The following SLC6A4 variants were observed in gnomAD, a reference collection of about 807,000 sequenced individuals.
SLC6A4 encodes the protein sodium-dependent serotonin transporter.
SLC6A4 carries 22 observed loss-of-function variants against 73.4 expected under a neutral mutation model. The ratio of observed to expected loss-of-function variants is 0.30; its 90% confidence interval spans 0.21 to 0.43. The LOEUF (loss-of-function observed/expected upper bound fraction) is 0.43. Ranked by LOEUF, SLC6A4 falls within the 20% of genes least tolerant of loss-of-function variation. The probability of loss-of-function intolerance (pLI) is 1.00; values close to 1 mark genes in which losing one functional copy is unlikely to be tolerated. For missense variants in SLC6A4, 593 were observed against 808.5 expected (o/e 0.73, Z 3.23); for synonymous variants, 270 against 315.5 (o/e 0.86, Z 1.53).
At chr17:30,223,853 C>G (rs56336569) in intron 1 of SLC6A4, among the ~76,000 whole-genome samples, 10 of 152,190 alleles carry the variant, frequency 6.6e-5, no homozygotes, top group East Asian at 1.9e-4. Context: ...TGGCCTCCCC[C>G]CACTTCCCCC....
rs1047653600 is a variant in SLC6A4 at position 30,230,388 on chromosome 17, C to T, written c.-221+5225G>A. 7.2e-5 allele frequency among the ~76,000 whole-genome samples: 11 copies of T among 152,144 alleles called. No homozygotes were observed. In the South Asian group the frequency reaches 1.0e-3, roughly 14 times the overall value. The stretch of plus-strand genomic sequence containing the variant: ...CACTCCTTTACTGTTGTGATAAATA[C>T]AATTTATGCAATAAGTAAAAATCGA... On this transcript the variant is annotated intron_variant, in intron 1 of 14. Transcript: ENST00000650711.
At chr17:30,222,963 GC>G in intron 1 of SLC6A4, 48 bp from the exon 2 acceptor site, 1 of 596,438 alleles carries the variant, frequency 1.7e-6, no homozygotes, top group Non-Finnish European at 2.8e-6. Context: ...GGTTGGTGTC[GC>G]CGTCCCCCTG....
intron 1 of SLC6A4, among the ~76,000 whole-genome samples, chr17:30,227,854 T>C (rs1403012923): frequency 6.6e-6 from 1 of 152,182 alleles, no homozygotes; most frequent in Non-Finnish European, 1.5e-5. Flanking sequence ...CCAGTTATCA[T>C]GAGAAAGAAA....
At chr17:30,223,512 TG>T (rs1191287429) in intron 1 of SLC6A4, among the ~76,000 whole-genome samples, 2 of 152,330 alleles carry the variant, frequency 1.3e-5, no homozygotes, top group East Asian at 3.9e-4. Flanking sequence ...GCTATAAACA[TG>T]AGCAAGGATT....
chr17:30,216,449 T>G (rs1358120927), intron 6 of SLC6A4, among the ~76,000 whole-genome samples: 2 of 152,242 alleles, frequency 1.3e-5, no homozygotes, highest in East Asian at 3.9e-4. Flanking sequence ...GAACTACCTC[T>G]GAGCCCACTA....
Position 30,198,680 on chromosome 17 carries a change from A to G in SLC6A4, c.1819-150T>C, listed in dbSNP as rs1366353736. 1.1e-5 allele frequency: 6 copies of G among 544,952 alleles called. No homozygotes were observed. In the African/African-American group the frequency reaches 1.2e-4, roughly 11 times the overall value. 33.8% of individuals were successfully genotyped at this position (544,952 alleles called of 1,614,324 possible). On this transcript the variant is annotated intron_variant, in intron 14 of 14. Coordinates refer to ENST00000650711, the MANE Select transcript of SLC6A4 (RefSeq NM_001045.6). ...ATAGTCTCACTGACATTCCTTAGGAAAAGAATTCCCAATTTATGTATTCTC... is the reference window on the plus strand; with the variant it reads ...ATAGTCTCACTGACATTCCTTAGGAGAAGAATTCCCAATTTATGTATTCTC...
intron 5 of SLC6A4, 150 bp from the exon 6 acceptor site, chr17:30,217,454 G>T: frequency 1.4e-6 from 1 of 724,130 alleles, no homozygotes; most frequent in African/African-American, 1.8e-5. Flanking sequence ...AGCTGGGATT[G>T]GCCCTGCCTG....
chr17:30,224,752 T>A (rs144159695), intron 1 of SLC6A4, among the ~76,000 whole-genome samples: 1 of 152,256 alleles, frequency 6.6e-6, no homozygotes, highest in African/African-American at 2.4e-5. Flanking sequence ...GCCAAATGAT[T>A]TGTTCTGGAT....
At chr17:30,218,678 T>C (rs912166906) in intron 4 of SLC6A4, 119 bp downstream of exon 4, 3 of 1,011,554 alleles carry the variant, frequency 3.0e-6, no homozygotes, top group Non-Finnish European at 4.5e-6. Context: ...ACTCAAGCAG[T>C]CTCCCAGGGA....
chr17:30,201,196 T>C (rs1050213802), intron 14 of SLC6A4, among the ~76,000 whole-genome samples: 1 of 152,048 alleles, frequency 6.6e-6, no homozygotes, highest in Admixed American at 6.5e-5. Context: ...CTTTGGGAAA[T>C]GTTAACATGG....
chr17:30,223,921 C>T (rs573632279), intron 1 of SLC6A4, among the ~76,000 whole-genome samples: 21 of 152,216 alleles, frequency 1.4e-4, no homozygotes, highest in African/African-American at 5.1e-4. Flanking sequence ...CATCCTCTCA[C>T]CCACCATAGG....
chr17:30,227,237 C>T (rs914146400), intron 1 of SLC6A4, among the ~76,000 whole-genome samples: 2 of 152,138 alleles, frequency 1.3e-5, no homozygotes, highest in East Asian at 1.9e-4. Context: ...GCTGTGTTCC[C>T]GAAGTGTGCA....
intron 14 of SLC6A4, among the ~76,000 whole-genome samples, chr17:30,201,281 C>T (rs1906025487): frequency 6.6e-6 from 1 of 152,172 alleles, no homozygotes; most frequent in Non-Finnish European, 1.5e-5. Flanking sequence ...CGACTAGGGC[C>T]TTTTCCATGG....
intron 14 of SLC6A4, among the ~76,000 whole-genome samples, chr17:30,199,709 G>A (rs1905971446): frequency 6.6e-6 from 1 of 152,132 alleles, no homozygotes; most frequent in African/African-American, 2.4e-5. Flanking sequence ...TTAAAAAGGA[G>A]TCATTGCAGG....
chr17:30,200,603 C>T (rs1906002693), intron 14 of SLC6A4, among the ~76,000 whole-genome samples: 1 of 152,156 alleles, frequency 6.6e-6, no homozygotes, highest in African/African-American at 2.4e-5. Flanking sequence ...TGAGGCTTCC[C>T]TCCCTCACAC....
chr17:30,216,816 C>T (rs1470601634), intron 6 of SLC6A4, among the ~76,000 whole-genome samples: 2 of 151,778 alleles, frequency 1.3e-5, no homozygotes, highest in Non-Finnish European at 2.9e-5. Context: ...TTACAGGCAC[C>T]TGCCACCACA....
At chr17:30,233,930 G>T (rs1036971151) in intron 1 of SLC6A4, among the ~76,000 whole-genome samples, 1 of 152,142 alleles carries the variant, frequency 6.6e-6, no homozygotes, top group African/African-American at 2.4e-5. Context: ...GGAGTTACCT[G>T]TGTTTCTGTT....
chr17:30,202,073 C>G (rs930340815), intron 14 of SLC6A4, among the ~76,000 whole-genome samples: 6 of 152,068 alleles, frequency 3.9e-5, no homozygotes, highest in African/African-American at 9.7e-5. Context: ...GCCTGGGGTA[C>G]AGAGTGAGAC....
rs572550591 is a variant in SLC6A4, at chr17:30,210,381, A to G, written c.1449+134T>C. The G allele has an allele frequency of 1.8e-4, 162 of 891,882 alleles. No homozygotes were observed. In the African/African-American group the frequency reaches 2.5e-3, roughly 14 times the overall value. 55.2% of individuals were successfully genotyped at this position (891,882 alleles called of 1,614,324 possible). On this transcript the variant is annotated intron_variant, in intron 11 of 14. Coordinates refer to ENST00000650711, the MANE Select transcript of SLC6A4 (RefSeq NM_001045.6). ...CTTCTCCTTGATGACAAACCTTTTAATGGGAGTAACAACCTCCCCTCCTTT... is the reference window on the plus strand; with the variant it reads ...CTTCTCCTTGATGACAAACCTTTTAGTGGGAGTAACAACCTCCCCTCCTTT...
Sources: gnomAD v4.1 joint callset for allele counts (sites outside exome capture counted in the v4.1 genomes callset) on GRCh38, gnomAD v4.1.1 for gene constraint, MANE v1.5 for transcripts, NCBI Gene and HGNC (gene_info 2026-07-23, HGNC 2026-07-21) for gene names.